NYAP2: variants seen among roughly 807,000 people sequenced by gnomAD.
NYAP2 encodes neuronal tyrosine-phosphorylated phosphoinositide-3-kinase adapter 2.
NYAP2 carries 23 observed loss-of-function variants against 50.4 expected under a neutral mutation model. The observed-to-expected ratio is 0.46, with a 90% CI of 0.33 to 0.65. NYAP2 has a LOEUF of 0.65. NYAP2 is among the 30% of genes least tolerant of loss of function. The pLI, the probability that NYAP2 is intolerant of heterozygous loss-of-function variation, is 0.02. For missense variants in NYAP2, 885 were observed against 861.0 expected, an observed-to-expected ratio of 1.03 and a Z score of -0.35; for synonymous variants, 394 against 365.2, an observed-to-expected ratio of 1.08 and a Z score of -0.90.
intron 3 of NYAP2, among the ~76,000 whole-genome samples, chr2:225,454,871 G>A (rs144550136): frequency 8.0e-4 from 121 of 152,148 alleles, no homozygotes; most frequent in African/African-American, 2.8e-3. Context: ...AGCAAGGGGC[G>A]ATTAAGATTT....
chr2:225,420,883 A>G lies in NYAP2; in HGVS notation c.221+11782A>G, dbSNP rs953222370. Among the ~76,000 whole-genome samples the G allele has an allele frequency of 3.3e-5, 5 of 152,090 alleles. 1 individual carries two copies. Among genetic ancestry groups the G allele is most frequent in the South Asian group, 4.1e-4 (2 of 4,826 alleles). ...AGAATGGCATGGATAAATTTGAGCT[A>G]TTAGGATTTCTTTCTACAGGGATTC... On this transcript the variant is annotated intron_variant, in intron 3 of 6. Transcript: ENST00000636099.
At chr2:225,415,363 A>G (rs1173532801) in intron 3 of NYAP2, among the ~76,000 whole-genome samples, 2 of 152,182 alleles carry the variant, frequency 1.3e-5, no homozygotes, top group Non-Finnish European at 2.9e-5. Flanking sequence ...TTTTTCCTTT[A>G]CTAATACATT....
chr2:225,560,158 TAC>T (rs1691846974), intron 4 of NYAP2, among the ~76,000 whole-genome samples: 2 of 152,228 alleles, frequency 1.3e-5, no homozygotes, highest in African/African-American at 4.8e-5. Context: ...TCTATACACT[TAC>T]ATATATATGC....
chr2:225,565,150 A>T (rs954885779), intron 4 of NYAP2, among the ~76,000 whole-genome samples: 1 of 151,970 alleles, frequency 6.6e-6, no homozygotes, highest in Non-Finnish European at 1.5e-5. Context: ...AAAAGTTTTA[A>T]TAAAAATTGT....
intron 3 of NYAP2, among the ~76,000 whole-genome samples, chr2:225,431,946 T>C (rs935301497): frequency 5.6e-4 from 85 of 152,198 alleles, no homozygotes; most frequent in African/African-American, 2.0e-3. Flanking sequence ...ATATAATTTA[T>C]AACAATGATA....
intron 3 of NYAP2, among the ~76,000 whole-genome samples, chr2:225,410,461 T>A (rs903508957): frequency 6.6e-6 from 1 of 152,040 alleles, no homozygotes; most frequent in Non-Finnish European, 1.5e-5. Context: ...TGATGGACAT[T>A]TTTTTGTGTG....
chr2:225,521,800 C>G (rs536116017), intron 4 of NYAP2, among the ~76,000 whole-genome samples: 223 of 152,010 alleles, frequency 1.5e-3, no homozygotes, highest in Non-Finnish European at 2.3e-3. Flanking sequence ...AAATGAGTTA[C>G]GGAGGATTCC....
At chr2:225,416,462 C>T (rs1236917036) in intron 3 of NYAP2, among the ~76,000 whole-genome samples, 2 of 152,046 alleles carry the variant, frequency 1.3e-5, no homozygotes, top group Admixed American at 1.3e-4. Context: ...GGCGTCTGTC[C>T]TGCTGGCCTA....
intron 4 of NYAP2, among the ~76,000 whole-genome samples, chr2:225,526,792 T>G (rs1691159222): frequency 6.6e-6 from 1 of 152,212 alleles, no homozygotes. Context: ...CATTGTTTTT[T>G]GCATTGGATA....
chr2:225,599,368 A>G (rs1692659417), intron 5 of NYAP2, among the ~76,000 whole-genome samples: 2 of 152,220 alleles, frequency 1.3e-5, no homozygotes, highest in African/African-American at 2.4e-5. Flanking sequence ...AGGCCTATGA[A>G]AGTAAGAACA....
At chr2:225,414,718 G>A (rs1356172222) in intron 3 of NYAP2, among the ~76,000 whole-genome samples, 3 of 151,906 alleles carry the variant, frequency 2.0e-5, no homozygotes, top group Non-Finnish European at 2.9e-5. Flanking sequence ...CCAAGTTTAG[G>A]CCATCAAGTG....
chr2:225,626,898 A>G lies in NYAP2; in HGVS notation c.1619-19A>G. 1 of 1,512,298 alleles carries G rather than the reference A, an allele frequency of 6.6e-7. No homozygotes were observed. Among genetic ancestry groups the G allele is most frequent in the South Asian group, 1.2e-5 (1 of 83,428 alleles). 93.7% of individuals were successfully genotyped at this position (1,512,298 alleles called of 1,614,324 possible). ...ACTTTACTCTTGTTTAACAGAATGT[A>G]ATTCTGGTTACTACACAGAATCAAC... On this transcript the variant is annotated intron_variant, in intron 5 of 6. Transcript: ENST00000636099.
chr2:225,564,219 CTG>C, intron 4 of NYAP2, among the ~76,000 whole-genome samples: 1 of 151,918 alleles, frequency 6.6e-6, no homozygotes, highest in Admixed American at 6.6e-5. Context: ...CTTCAGAGCC[CTG>C]TCTCTGAGAT....
At chr2:225,611,943 T>C (rs2106247830) in intron 5 of NYAP2, among the ~76,000 whole-genome samples, 1 of 149,398 alleles carries the variant, frequency 6.7e-6, no homozygotes, top group South Asian at 2.1e-4. Flanking sequence ...CACACACTTT[T>C]CCTCACTTGT....
At chr2:225,680,273 T>C in the NYAP2 span, among the ~76,000 whole-genome samples, 3 of 152,186 alleles carry the variant, frequency 2.0e-5, no homozygotes, top group Non-Finnish European at 2.9e-5. Flanking sequence ...ATGTGTTTCT[T>C]AAGTTTAGAA....
chr2:225,558,672 G>A (rs1290262978), intron 4 of NYAP2, among the ~76,000 whole-genome samples: 1 of 152,056 alleles, frequency 6.6e-6, no homozygotes, highest in East Asian at 1.9e-4. Flanking sequence ...AGTTCTCTTT[G>A]CTTTGTAATG....
At chr2:225,442,601 A>C (rs1259301678) in intron 3 of NYAP2, among the ~76,000 whole-genome samples, 1 of 152,066 alleles carries the variant, frequency 6.6e-6, no homozygotes, top group African/African-American at 2.4e-5. Flanking sequence ...TTTGAGACAG[A>C]GTCTCTGTCT....
intron 3 of NYAP2, among the ~76,000 whole-genome samples, chr2:225,466,590 A>AT (rs1295253204): frequency 6.6e-6 from 1 of 152,178 alleles, no homozygotes; most frequent in African/African-American, 2.4e-5. Context: ...TCCAGTTGAA[A>AT]ATGCTGTTTA....
At chr2:225,650,027 A>C (rs1223548109) in intron 6 of NYAP2, among the ~76,000 whole-genome samples, 1 of 152,174 alleles carries the variant, frequency 6.6e-6, no homozygotes, top group African/African-American at 2.4e-5. Context: ...GAATAATATT[A>C]ATAGAGAGGT....
Sources: gnomAD v4.1 joint callset for allele counts (sites outside exome capture counted in the v4.1 genomes callset) on GRCh38, gnomAD v4.1.1 for gene constraint, MANE v1.5 for transcripts, NCBI Gene and HGNC (gene_info 2026-07-23, HGNC 2026-07-21) for gene names.